Variants in SZT2 observed in about 807,000 individuals in gnomAD.
The protein encoded by SZT2 is SZT2 subunit of KICSTOR complex.
SZT2 carries 216 observed loss-of-function variants against 404.2 expected under a neutral mutation model. The observed-to-expected ratio is 0.53, with a 90% CI of 0.48 to 0.60. SZT2 has a LOEUF of 0.60. Ranked by LOEUF, SZT2 falls within the 20% of genes least tolerant of loss-of-function variation. The pLI is 0.00. For synonymous variants in SZT2, 1,693 were observed against 1,749.9 expected, an observed-to-expected ratio of 0.97 and a Z score of 0.81; for missense variants, 3,857 against 4,459.2, an observed-to-expected ratio of 0.86 and a Z score of 3.85.
chr1:43,398,478 G>C (rs1203604439), intron 1 of SZT2, among the ~76,000 whole-genome samples: 1 of 152,054 alleles, frequency 6.6e-6, no homozygotes, highest in Non-Finnish European at 1.5e-5. Flanking sequence ...TAAAACTCCA[G>C]TAAGTCTCTT....
At chr1:43,438,281 A>G in intron 46 of SZT2, 2 of 344,588 alleles carry the variant, frequency 5.8e-6, no homozygotes, top group Non-Finnish European at 5.5e-6. Context: ...CTGATACCAG[A>G]CTGGGTTCGG....
intron 1 of SZT2, among the ~76,000 whole-genome samples, chr1:43,391,934 A>ACATTTTTT (rs1648404324): frequency 1.4e-5 from 1 of 69,168 alleles, no homozygotes. Context: ...AATACAAAAA[A>ACATTTTTT]TTAGCTGGGC....
chr1:43,423,727 T>C (rs558814501), intron 15 of SZT2, among the ~76,000 whole-genome samples: 107 of 144,808 alleles, frequency 7.4e-4, no homozygotes, highest in African/African-American at 2.6e-3. Flanking sequence ...GTATGAGTGG[T>C]ACAGAGGTGT....
chr1:43,393,488 C>T (rs1648648997), intron 1 of SZT2, among the ~76,000 whole-genome samples: 1 of 151,950 alleles, frequency 6.6e-6, no homozygotes, highest in African/African-American at 2.4e-5. Context: ...GGAATACATG[C>T]TTTTAACTGC....
rs1394929965 is a variant in SZT2 at position 43,438,988 on chromosome 1, C to T, written c.6687C>T (p.Ser2229=). ...SEVLHLALPT[S]CRPWLPALAW... ...TGCTGCATCTGGCCCTACCCACCTC[C>T]TGCAGGCCCTGGCTTCCAGCCCTGG... Residue 2229 remains serine, a synonymous_variant, in exon 48 of 72, where the codon TCC becomes TCT. Transcript: ENST00000634258. 2 of 1,614,108 alleles carry T rather than the reference C, an allele frequency of 1.2e-6. No homozygotes were observed. Among genetic ancestry groups the T allele is most frequent in the Admixed American group, 1.7e-5 (1 of 60,010 alleles).
chr1:43,419,891 T>A lies in SZT2; in HGVS notation c.1037T>A (p.Leu346His). 1 of 1,598,438 alleles carries A rather than the reference T, an allele frequency of 6.3e-7. No individual in the cohort carries two copies. Among genetic ancestry groups the A allele is most frequent in the South Asian group, 1.1e-5 (1 of 91,082 alleles). The change falls in exon 8 of 72, where the codon CTC becomes CAC. Residue 346 changes from leucine to histidine, a missense_variant. Coordinates refer to ENST00000634258, the MANE Select transcript of SZT2 (RefSeq NM_001365999.1). ...CTGACTGTCTACCACCGGGCATTTC[T>A]CCTCTATTCCTTCCTGCGCAGTGGG... Reference protein sequence around the residue: ...LGLTVYHRAFLLYSFLRSGEA... With the variant: ...LGLTVYHRAFHLYSFLRSGEA...
chr1:43,432,579 C>T lies in SZT2; in HGVS notation c.5505C>T (p.Ile1835=), dbSNP rs767367738. 40 of 1,613,672 alleles carry T rather than the reference C, an allele frequency of 2.5e-5. No individual in the cohort carries two copies. In the South Asian group the frequency reaches 4.4e-4, roughly 18 times the overall value. The change falls in exon 38 of 72, where the codon ATC becomes ATT. Residue 1835 remains isoleucine, a synonymous_variant. Coordinates refer to ENST00000634258, the MANE Select transcript of SZT2 (RefSeq NM_001365999.1). The stretch of plus-strand genomic sequence containing the variant: ...AGGATTCTGAGGGTGTCCCCCTCAT[C>T]AGCCTGCCCCGCGTGCCACAGGGAG... The part of the protein sequence containing the change: ...SPEDSEGVPL[I]SLPRVPQGGS...
Position 43,451,305 on chromosome 1 carries a change from G to C in SZT2, c.*825G>C, listed in dbSNP as rs200283548. 1 of 1,613,890 alleles carries C rather than the reference G, an allele frequency of 6.2e-7. No individual in the cohort carries two copies. The highest frequency in any genetic ancestry group is 8.5e-7 in the Non-Finnish European group (1 of 1,180,022). ...ACGTAGCCAACTCAAGCCCTCTACTGTGTCTCCTGCAGGGAGAGGGAGGCC... is the reference window on the plus strand; with the variant it reads ...ACGTAGCCAACTCAAGCCCTCTACTCTGTCTCCTGCAGGGAGAGGGAGGCC... On this transcript the variant is annotated 3_prime_UTR_variant, in exon 72 of 72. Transcript: ENST00000634258.
Position 43,419,715 on chromosome 1 carries a change from A to C in SZT2, c.880-19A>C. ...ATGCCTCTGTCAGAGCTAGGTCTTCAGTTGCTCACTTTTTCCAGGTGGGAG... is the reference window on the plus strand; with the variant it reads ...ATGCCTCTGTCAGAGCTAGGTCTTCCGTTGCTCACTTTTTCCAGGTGGGAG... On this transcript the variant is annotated intron_variant, in intron 7 of 71. Transcript: ENST00000634258. 6.3e-7 allele frequency: 1 copy of C among 1,589,912 alleles called. No homozygotes were observed. Among genetic ancestry groups the C allele is most frequent in the Non-Finnish European group, 8.5e-7 (1 of 1,174,346 alleles).
chr1:43,452,648 G>C lies in SZT2; in HGVS notation c.*2168G>C. 1.7e-6 allele frequency: 1 copy of C among 598,442 alleles called. No individual in the cohort carries two copies. The highest frequency in any genetic ancestry group is 2.0e-5 in the South Asian group (1 of 50,626). The allele number at this position is 598,442 out of a possible 1,614,324, so 37.1% of individuals were successfully genotyped here. A position where few individuals can be genotyped will look rare whatever the true frequency, so the allele number is the denominator to read the frequency against. The stretch of plus-strand genomic sequence containing the variant: ...TCCTGACCTTTGCTTGCCCTTCTCA[G>C]GTATTCCATGCTGCTGTCTCTACTT... On this transcript the variant is annotated 3_prime_UTR_variant, in exon 72 of 72. Transcript: ENST00000634258.
At chr1:43,393,878 G>A (rs1648687980) in intron 1 of SZT2, among the ~76,000 whole-genome samples, 1 of 152,086 alleles carries the variant, frequency 6.6e-6, no homozygotes, top group Admixed American at 6.6e-5. Flanking sequence ...TAATTGCAAC[G>A]ACATCCCTAT....
chr1:43,421,090 C>T, intron 10 of SZT2, 84 bp from the exon 11 acceptor site: 1 of 1,595,364 alleles, frequency 6.3e-7, no homozygotes, highest in Admixed American at 1.7e-5. Flanking sequence ...AGGCTTATAT[C>T]CAGGGTCCCA....
chr1:43,409,643 G>A (rs1570585458), intron 4 of SZT2: 1 of 180,776 alleles, frequency 5.5e-6, no homozygotes, highest in Non-Finnish European at 1.2e-5. Flanking sequence ...ATGTGAAGAA[G>A]AAATCAAGAA....
chr1:43,409,433 A>AAGAG, intron 4 of SZT2: 1 of 368,112 alleles, frequency 2.7e-6, no homozygotes, highest in East Asian at 7.8e-5. Context: ...ATAGTCAGAC[A>AAGAG]AGAGAAAGAA....
chr1:43,453,640 C>T lies in SZT2; in HGVS notation c.*3160C>T. On this transcript the variant is annotated 3_prime_UTR_variant, in exon 72 of 72. Coordinates refer to ENST00000634258, the MANE Select transcript of SZT2 (RefSeq NM_001365999.1). ...ACAAGCCGCAGCCCCGCTTCTCGCG[C>T]GGCGCGCGCCAGCGCCTCAGGCGTC... 1.3e-6 allele frequency: 2 copies of T among 1,491,488 alleles called. No individual in the cohort carries two copies. The highest frequency in any genetic ancestry group is 1.5e-5 in the African/African-American group (1 of 68,272). 92.4% of individuals were successfully genotyped at this position (1,491,488 alleles called of 1,614,324 possible). A position where few individuals can be genotyped will look rare whatever the true frequency, so the allele number is the denominator to read the frequency against.
In SZT2 at chr1:43,452,806, C is replaced by T; in HGVS notation, c.*2326C>T. 7.5e-7 allele frequency: 1 copy of T among 1,333,080 alleles called. No individual in the cohort carries two copies. 82.6% of individuals were successfully genotyped at this position (1,333,080 alleles called of 1,614,324 possible). The stretch of plus-strand genomic sequence containing the variant: ...GGATTTGACATTTGAATCAGCCCCA[C>T]TTTGAGCCGTCCACCTCCTCCCATC... On this transcript the variant is annotated 3_prime_UTR_variant, in exon 72 of 72. Coordinates refer to ENST00000634258, the MANE Select transcript of SZT2 (RefSeq NM_001365999.1).
chr1:43,422,662 G>GCCCCCCCCCCCCCCCC, intron 13 of SZT2, 30 bp downstream of exon 13: 4 of 1,231,816 alleles, frequency 3.2e-6, no homozygotes, highest in Admixed American at 4.3e-5. Context: ...TTCACCCCCC[G>GCCCCCCCCCCCCCCCC]CCCCCCCACC....
At position 43,430,006 on chromosome 1, in the gene SZT2, A is replaced by C. The variant is rs532409961; in HGVS notation, c.4309-5A>C. The C allele has an allele frequency of 1.4e-4, 227 of 1,614,158 alleles. 4 individuals are homozygous for C. In the South Asian group the frequency reaches 2.3e-3, roughly 17 times the overall value. ...ATTCTAACCTCCTTCTAAACCCCAC[A>C]ACAGGAGAAGTTCCTAGAGATCAGT... On this transcript the variant is annotated splice_polypyrimidine_tract_variant and splice_region_variant and intron_variant, in intron 29 of 71. Transcript: ENST00000634258.
intron 1 of SZT2, among the ~76,000 whole-genome samples, chr1:43,391,561 C>T (rs1173261834): frequency 2.0e-5 from 3 of 152,138 alleles, no homozygotes; most frequent in Non-Finnish European, 4.4e-5. Context: ...GGTAGAATAG[C>T]TCATGCATCA....
Sources: allele counts gnomAD v4.1 joint callset (sites outside exome capture counted in the v4.1 genomes callset), GRCh38; gene constraint gnomAD v4.1.1; transcripts MANE v1.5; gene names NCBI Gene and HGNC (gene_info 2026-07-23, HGNC 2026-07-21).